The following PRKCA variants were observed in gnomAD, a reference collection of about 807,000 sequenced individuals.
PRKCA encodes the protein protein kinase C alpha type.
In PRKCA, 27 loss-of-function variants were observed where a neutral mutation model predicts 87.0. The observed-to-expected ratio is 0.31, with a 90% CI of 0.23 to 0.43. The LOEUF (loss-of-function observed/expected upper bound fraction) is 0.43, where lower values mean the gene tolerates loss of function less well. Ranked by LOEUF, PRKCA falls within the 20% of genes least tolerant of loss-of-function variation. The pLI, the probability that PRKCA is intolerant of heterozygous loss-of-function variation, is 1.00. For synonymous variants in PRKCA, 329 were observed against 311.1 expected, an observed-to-expected ratio of 1.06 and a Z score of -0.61; for missense variants, 518 against 852.3, an observed-to-expected ratio of 0.61 and a Z score of 4.88.
intron 5 of PRKCA, chr17:66,677,075 T>TTTATTTATTTATTTATTTATTTATTTA (rs1972354938): frequency 6.0e-4 from 87 of 144,580 alleles, no homozygotes; most frequent in Admixed American, 3.0e-3. Context: ...CACAGCTTAT[T>TTTATTTATTTATTTATTTATTTATTTA]TTTATTTATT....
Position 66,803,840 on chromosome 17 carries a change from T to C in PRKCA, c.1855-33T>C, listed in dbSNP as rs764311060. 4.0e-5 allele frequency: 64 copies of C among 1,608,390 alleles called. 1 individual carries two copies. The South Asian group carries it at 6.8e-4, about 17-fold the overall frequency. On this transcript the variant is annotated intron_variant, in intron 16 of 16. Transcript: ENST00000413366. This position sits in a 1 kb window ranked among gnomAD's most constrained non-coding sequence, Gnocchi z 4.4. ...GCTGCTCCCGCATTGTCATGTTGAC[T>C]GACCTTTCCTTCTTTTTGTCTTTTC...
chr17:66,489,924 G>A (rs1331349408), intron 2 of PRKCA, among the ~76,000 whole-genome samples: 1 of 151,908 alleles, frequency 6.6e-6, no homozygotes, highest in Non-Finnish European at 1.5e-5. Flanking sequence ...GGGATTACAG[G>A]CATGCAACAC....
chr17:66,332,559 A>C (rs994155813), intron 2 of PRKCA, among the ~76,000 whole-genome samples: 1 of 152,060 alleles, frequency 6.6e-6, no homozygotes, highest in African/African-American at 2.4e-5. Flanking sequence ...GCTATGGAGT[A>C]TAGTGTGAGA....
At chr17:66,454,916 G>T (rs750236773) in intron 2 of PRKCA, among the ~76,000 whole-genome samples, 6 of 152,194 alleles carry the variant, frequency 3.9e-5, no homozygotes, top group African/African-American at 1.2e-4. Flanking sequence ...TGCAATTGTG[G>T]GCCCTGGGGT....
At chr17:66,537,334 A>C (rs1967824389) in intron 3 of PRKCA, among the ~76,000 whole-genome samples, 1 of 152,224 alleles carries the variant, frequency 6.6e-6, no homozygotes, top group Non-Finnish European at 1.5e-5. Context: ...AAAGTACAAA[A>C]TTTTGAAATG....
chr17:66,447,699 A>G (rs187770638), intron 2 of PRKCA, among the ~76,000 whole-genome samples: 12 of 152,338 alleles, frequency 7.9e-5, no homozygotes, highest in Admixed American at 3.3e-4. Flanking sequence ...GGAGTCTGTC[A>G]TCAAAGGTGG....
chr17:66,515,268 T>C (rs1330005626), intron 3 of PRKCA, among the ~76,000 whole-genome samples: 1 of 61,746 alleles, frequency 1.6e-5, no homozygotes, highest in Non-Finnish European at 3.5e-5. Context: ...CAAGACTCTG[T>C]CTCAAAAAAA....
At chr17:66,432,287 A>G (rs1913140267) in intron 2 of PRKCA, among the ~76,000 whole-genome samples, 1 of 152,134 alleles carries the variant, frequency 6.6e-6, no homozygotes, top group African/African-American at 2.4e-5. Context: ...GCTGTTGACA[A>G]AAGCATGGGG....
chr17:66,642,634 G>A (rs549321900), intron 4 of PRKCA, among the ~76,000 whole-genome samples: 1 of 152,250 alleles, frequency 6.6e-6, no homozygotes, highest in African/African-American at 2.4e-5. Flanking sequence ...TATCTTACAT[G>A]GAGCAAACTG....
intron 13 of PRKCA, among the ~76,000 whole-genome samples, chr17:66,768,235 T>C: frequency 6.8e-6 from 1 of 147,346 alleles, no homozygotes; most frequent in Non-Finnish European, 1.5e-5. Context: ...TGAGCCACCA[T>C]GCCCAGCCAT....
At chr17:66,670,703 A>C (rs1484070797) in intron 5 of PRKCA, among the ~76,000 whole-genome samples, 2 of 151,930 alleles carry the variant, frequency 1.3e-5, no homozygotes, top group Non-Finnish European at 2.9e-5. Context: ...CTACCCAAAA[A>C]AAACACAGAA....
intron 3 of PRKCA, among the ~76,000 whole-genome samples, chr17:66,547,910 G>T (rs1243531978): frequency 6.6e-6 from 1 of 152,134 alleles, no homozygotes; most frequent in East Asian, 1.9e-4. Flanking sequence ...AGATAATTTT[G>T]ACCAGAAACA....
intron 8 of PRKCA, among the ~76,000 whole-genome samples, chr17:66,726,072 C>T (rs1399941138): frequency 2.0e-5 from 3 of 152,112 alleles, no homozygotes; most frequent in Non-Finnish European, 2.9e-5. Flanking sequence ...TCGGGCACCT[C>T]GGGCTCCCTC....
At chr17:66,493,586 G>A (rs2109648) in intron 2 of PRKCA, among the ~76,000 whole-genome samples, 81,759 of 151,470 alleles carry the variant, frequency 0.54, 24,162 homozygotes, top group Middle Eastern at 0.68. Flanking sequence ...CCTGTCTCCC[G>A]TTCACAAGCA....
intron 2 of PRKCA, among the ~76,000 whole-genome samples, chr17:66,489,353 A>ATATG (rs1916121067): frequency 4.6e-4 from 2 of 4,310 alleles, no homozygotes; most frequent in African/African-American, 3.1e-3. Flanking sequence ...TTAGCAGTGC[A>ATATG]TATATATATA....
At chr17:66,688,023 G>A (rs1334980930) in intron 6 of PRKCA, among the ~76,000 whole-genome samples, 1 of 152,178 alleles carries the variant, frequency 6.6e-6, no homozygotes, top group Non-Finnish European at 1.5e-5. Flanking sequence ...ACTTTCTAGT[G>A]CCAAAGGAGC....
chr17:66,569,286 A>G (rs890568013), intron 3 of PRKCA, among the ~76,000 whole-genome samples: 6 of 152,198 alleles, frequency 3.9e-5, no homozygotes, highest in South Asian at 4.1e-4. Flanking sequence ...TTTAAAAAAA[A>G]GGTCAGGTGC....
chr17:66,330,220 C>T (rs1906246016), intron 2 of PRKCA, among the ~76,000 whole-genome samples: 1 of 151,634 alleles, frequency 6.6e-6, no homozygotes, highest in East Asian at 1.9e-4. Flanking sequence ...ATTCTCCTGC[C>T]TTAGCCTCCC....
Position 66,806,870 on chromosome 17 carries a change from A to G in PRKCA, c.*2833A>G, listed in dbSNP as rs1447831069. The G allele has an allele frequency of 6.6e-6, 1 of 152,312 alleles. No individual in the cohort carries two copies. The highest frequency in any genetic ancestry group is 1.5e-5 in the Non-Finnish European group (1 of 68,140). 9.4% of individuals were successfully genotyped at this position (152,312 alleles called of 1,614,324 possible). A position where few individuals can be genotyped will look rare whatever the true frequency, so the allele number is the denominator to read the frequency against. On this transcript the variant is annotated 3_prime_UTR_variant, in exon 17 of 17. Transcript: ENST00000413366. ...CATCAGAACAAACCCCCAGAGAGAA[A>G]CAGTCAAAATCAGGGCCCGGTGCAG...
Sources: gnomAD v4.1 joint callset for allele counts (sites outside exome capture counted in the v4.1 genomes callset) on GRCh38, gnomAD v4.1.1 for gene constraint, Gnocchi (gnomAD v3.1) non-coding constraint, MANE v1.5 for transcripts, NCBI Gene and HGNC (gene_info 2026-07-23, HGNC 2026-07-21) for gene names.